DST: variants seen among roughly 807,000 people sequenced by gnomAD.
The protein encoded by DST is dystonin.
DST carries 253 observed loss-of-function variants against 875.2 expected under a neutral mutation model. That is an observed-to-expected ratio of 0.29 (90% confidence interval 0.26 to 0.32). The LOEUF (loss-of-function observed/expected upper bound fraction) is 0.32. Ranked by LOEUF, DST falls within the 10% of genes least tolerant of loss-of-function variation. DST has a pLI of 1.00. For missense variants in DST, 8,287 were observed against 9,111.6 expected, an observed-to-expected ratio of 0.91 and a Z score of 3.68; for synonymous variants, 3,124 against 3,197.1, an observed-to-expected ratio of 0.98 and a Z score of 0.77.
chr6:56,645,735 A>T lies in DST; in HGVS notation c.1778+131T>A. The T allele has an allele frequency of 3.7e-6, 4 of 1,082,334 alleles. 1 individual carries two copies. In the South Asian group the frequency reaches 6.6e-5, roughly 18 times the overall value. The allele number at this position is 1,082,334 out of a possible 1,614,324, so 67.0% of individuals were successfully genotyped here. On this transcript the variant is annotated intron_variant, in intron 15 of 103. Transcript: ENST00000680361. ...TCTTAGAAGAGTTTCTAGGTAAGAA[A>T]ATGGAGGATCAAAAGGATTAAGAGA...
At chr6:56,747,407 G>A (rs1311328335) in intron 4 of DST, among the ~76,000 whole-genome samples, 1 of 152,132 alleles carries the variant, frequency 6.6e-6, no homozygotes, top group Non-Finnish European at 1.5e-5. Flanking sequence ...AGGGGATCAG[G>A]TTCTGCTCTG....
At chr6:56,558,972 G>A (rs1045672793) in intron 58 of DST, among the ~76,000 whole-genome samples, 1 of 152,022 alleles carries the variant, frequency 6.6e-6, no homozygotes, top group Non-Finnish European at 1.5e-5. Flanking sequence ...TGCAGTCAAG[G>A]GTTACTGATC....
intron 36 of DST, chr6:56,618,014 T>C: frequency 1.2e-6 from 2 of 1,614,142 alleles, no homozygotes; most frequent in Non-Finnish European, 1.7e-6. Context: ...CTTCACCAGT[T>C]CCATTTCACA....
chr6:56,765,568 C>T (rs2099631386), intron 4 of DST, among the ~76,000 whole-genome samples: 1 of 152,124 alleles, frequency 6.6e-6, no homozygotes, highest in African/African-American at 2.4e-5. Flanking sequence ...GTGAGATATG[C>T]AAGAGATTTC....
chr6:56,467,840 T>G (rs534938737), intron 98 of DST, among the ~76,000 whole-genome samples: 12 of 152,180 alleles, frequency 7.9e-5, no homozygotes, highest in Non-Finnish European at 1.5e-4. Flanking sequence ...CTAATGTTGC[T>G]GACTGTGCTT....
chr6:56,497,710 T>G, intron 81 of DST, 146 bp downstream of exon 81: 1 of 951,834 alleles, frequency 1.1e-6, no homozygotes, highest in Non-Finnish European at 1.5e-6. Flanking sequence ...TGTTCTCTTC[T>G]GCTGTTCTGT....
At chr6:56,943,582 C>T (rs970129161) in intron 2 of DST, among the ~76,000 whole-genome samples, 22 of 144,066 alleles carry the variant, frequency 1.5e-4, no homozygotes, top group South Asian at 2.4e-4. Flanking sequence ...ACAGGGGGCC[C>T]GCCACCACAC....
intron 9 of DST, among the ~76,000 whole-genome samples, chr6:56,688,899 TAAC>T (rs757679644): frequency 1.7e-4 from 26 of 151,992 alleles, no homozygotes; most frequent in Non-Finnish European, 3.1e-4. Context: ...AGAGGAGTAA[TAAC>T]ACTGGACAAA....
chr6:56,636,521 A>G lies in DST; in HGVS notation c.3060+36T>C, dbSNP rs374365400. On this transcript the variant is annotated intron_variant, in intron 23 of 103. Transcript: ENST00000680361. ...TTCCTGCAAGTTAGCCAAAATCACA[A>G]TACCATCTATTGAAGTTATGATTCT... The G allele has an allele frequency of 3.9e-6, 6 of 1,555,338 alleles. No individual in the cohort carries two copies. In the African/African-American group the frequency reaches 6.8e-5, roughly 18 times the overall value.
chr6:56,879,253 G>T (rs534149633), intron 3 of DST, among the ~76,000 whole-genome samples: 100 of 152,246 alleles, frequency 6.6e-4, no homozygotes, highest in African/African-American at 2.4e-3. Context: ...TGGATCACAA[G>T]GTCAGGAGAT....
chr6:56,900,875 CA>C lies in DST; in HGVS notation c.217-255del, dbSNP rs539371079. Among the ~76,000 whole-genome samples, 1,453 of 96,118 alleles carry C rather than the reference CA, an allele frequency of 0.015. 15 individuals carry two copies. The highest frequency in any genetic ancestry group is 0.043 in the African/African-American group (1,001 of 23,488). The allele number at this position is 96,118 out of a possible 152,430, so 63.1% of individuals were successfully genotyped here. A position where few individuals can be genotyped will look rare whatever the true frequency, so the allele number is the denominator to read the frequency against. The stretch of plus-strand genomic sequence containing the variant: ...TGTTCTTAATTGAGTAAAGCCAGTC[CA>C]AAAAAAAAAAAAAAAGGAGGGAAAA... On this transcript the variant is annotated intron_variant, in intron 2 of 103. Coordinates refer to ENST00000680361, the MANE Select transcript of DST (RefSeq NM_001374736.1).
intron 102 of DST, chr6:56,461,946 C>T (rs959549556): frequency 6.6e-6 from 1 of 152,176 alleles, no homozygotes; most frequent in African/African-American, 2.4e-5. Context: ...TCCAATTCTC[C>T]CACTTCTCAG....
At chr6:56,618,436 T>A in intron 36 of DST, 1 of 1,614,216 alleles carries the variant, frequency 6.2e-7, no homozygotes, top group Non-Finnish European at 8.5e-7. Flanking sequence ...TTTTTTGAAT[T>A]TCACACTGGA....
chr6:56,500,994 C>T (rs971628731), intron 80 of DST, 86 bp downstream of exon 80: 61 of 1,308,386 alleles, frequency 4.7e-5, no homozygotes, highest in East Asian at 1.0e-4. Flanking sequence ...ACTTGAAACA[C>T]GCATAAAGAA....
intron 4 of DST, among the ~76,000 whole-genome samples, chr6:56,815,606 G>A (rs552751590): frequency 6.6e-4 from 100 of 152,260 alleles, no homozygotes; most frequent in Middle Eastern, 3.4e-3. Context: ...AAGAGATATG[G>A]AAGATGCCTC....
At chr6:56,484,534 A>G (rs1473712619) in intron 88 of DST, 1 of 152,190 alleles carries the variant, frequency 6.6e-6, no homozygotes, top group Non-Finnish European at 1.5e-5. Flanking sequence ...ACTAGAGAGA[A>G]GAAATACAAG....
At position 56,698,256 on chromosome 6, in the gene DST, C is replaced by A. The variant is rs545502604; in HGVS notation, c.1047+1397G>T. On this transcript the variant is annotated intron_variant, in intron 9 of 103. Coordinates refer to ENST00000680361, the MANE Select transcript of DST (RefSeq NM_001374736.1). ...CCTGTCAAATCTATCCTGTTCCCAACAAGCCCCCCAGGTACATTATTCTCC... is the reference window on the plus strand; with the variant it reads ...CCTGTCAAATCTATCCTGTTCCCAAAAAGCCCCCCAGGTACATTATTCTCC... 2.0e-5 allele frequency among the ~76,000 whole-genome samples: 3 copies of A among 152,098 alleles called. No individual in the cohort carries two copies. In the East Asian group the frequency reaches 5.8e-4, roughly 29 times the overall value.
Position 56,634,546 on chromosome 6 carries a change from C to T in DST, c.3410G>A (p.Ser1137Asn). ...NSHRAKWKVISPTGNEAMVPS... is the reference protein window; with the variant it reads ...NSHRAKWKVINPTGNEAMVPS... ...GACCATAGCCTCATTCCCAGTAGGA[C>T]TAATGACCTTCCATTTAGCACGATG... The change falls in exon 26 of 104, where the codon AGT (serine) becomes AAT (asparagine). Residue 1137 changes from serine (S) to asparagine (N), a missense_variant. By Grantham distance (46) the Ser-to-Asn change is conservative. This residue lies in a region of DST where 1,160 missense variants were observed against 1,424.3 expected (regional missense o/e 0.81). Transcript: ENST00000680361. The T allele has an allele frequency of 1.2e-6, 2 of 1,614,222 alleles. No individual in the cohort carries two copies. Among genetic ancestry groups the T allele is most frequent in the Non-Finnish European group, 1.7e-6 (2 of 1,180,040 alleles).
chr6:56,781,172 T>C (rs2099692928), intron 4 of DST, among the ~76,000 whole-genome samples: 1 of 152,190 alleles, frequency 6.6e-6, no homozygotes, highest in Admixed American at 6.5e-5. Flanking sequence ...GCCTCCAGCT[T>C]TGTTCTTTCG....
Sources: allele counts gnomAD v4.1 joint callset (sites outside exome capture counted in the v4.1 genomes callset), GRCh38; gene constraint gnomAD v4.1.1; regional missense constraint gnomAD v4.1.1; transcripts MANE v1.5; gene names NCBI Gene and HGNC (gene_info 2026-07-23, HGNC 2026-07-21).